CTTNBP2: variants seen among roughly 807,000 people sequenced by gnomAD.
CTTNBP2 encodes the protein cortactin-binding protein 2.
CTTNBP2 carries 108 observed loss-of-function variants against 156.9 expected under a neutral mutation model. The observed-to-expected ratio is 0.69, with a 90% CI of 0.59 to 0.81. The LOEUF is 0.81. CTTNBP2 is among the 30% of genes least tolerant of loss of function. The probability of loss-of-function intolerance (pLI) is 0.00; values close to 1 mark genes in which losing one functional copy is unlikely to be tolerated. For synonymous variants in CTTNBP2, 767 were observed against 751.8 expected (o/e 1.02, Z -0.33); for missense variants, 1,924 against 2,035.4 (o/e 0.95, Z 1.05).
At chr7:117,848,710 G>GT (rs550507328) in intron 2 of CTTNBP2, among the ~76,000 whole-genome samples, 1 of 152,152 alleles carries the variant, frequency 6.6e-6, no homozygotes, top group African/African-American at 2.4e-5. Flanking sequence ...TCAGCTTCTG[G>GT]TTTATGTACT....
intron 14 of CTTNBP2, among the ~76,000 whole-genome samples, chr7:117,740,465 C>T (rs1361914339): frequency 1.3e-5 from 2 of 152,154 alleles, no homozygotes; most frequent in Non-Finnish European, 2.9e-5. Flanking sequence ...CCCATTCAAC[C>T]CACATAGTTT....
intron 2 of CTTNBP2, among the ~76,000 whole-genome samples, chr7:117,818,047 T>C (rs1800725355): frequency 6.6e-6 from 1 of 152,168 alleles, no homozygotes; most frequent in Non-Finnish European, 1.5e-5. Flanking sequence ...ACTTTTTAAA[T>C]CAGAACAAAG....
intron 8 of CTTNBP2, among the ~76,000 whole-genome samples, chr7:117,773,648 A>AAC (rs71528190): frequency 0.14 from 12,826 of 94,918 alleles, 976 homozygotes; most frequent in Non-Finnish European, 0.17. Flanking sequence ...GCTTAGAGTT[A>AAC]ACACACACAC....
chr7:117,728,015 C>A, intron 17 of CTTNBP2, 74 bp downstream of exon 17: 1 of 1,341,594 alleles, frequency 7.5e-7, no homozygotes, highest in Non-Finnish European at 1.0e-6. Context: ...GCCTGGTCAG[C>A]ATTCTCACCC....
chr7:117,765,847 G>A (rs1797457683), intron 9 of CTTNBP2, among the ~76,000 whole-genome samples: 1 of 152,062 alleles, frequency 6.6e-6, no homozygotes, highest in Non-Finnish European at 1.5e-5. Context: ...CAATCTCATT[G>A]GCTTATCTTT....
At position 117,711,458 on chromosome 7, in the gene CTTNBP2, T is replaced by G. The variant is rs961668057; in HGVS notation, c.*79A>C. ...ATTACAGTGAAAACATTTTATCAAT[T>G]TAAAGGTATTTGTATCTTGTTGTCC... On this transcript the variant is annotated 3_prime_UTR_variant, in exon 23 of 23. Transcript: ENST00000160373. 16 of 1,426,934 alleles carry G rather than the reference T, an allele frequency of 1.1e-5. No individual in the cohort carries two copies. In the South Asian group the frequency reaches 2.2e-4, roughly 20 times the overall value. 88.4% of individuals were successfully genotyped at this position (1,426,934 alleles called of 1,614,324 possible).
In CTTNBP2 at chr7:117,791,298, G is replaced by A. The variant is rs978782396; in HGVS notation, c.1898C>T (p.Thr633Met). 1.7e-5 allele frequency: 28 copies of A among 1,614,074 alleles called. No individual in the cohort carries two copies. The Admixed American group carries it at 2.0e-4, about 12-fold the overall frequency. Residue 633 changes from threonine (T) to methionine (M), a missense_variant, in exon 4 of 23, where the codon ACG (threonine) becomes ATG (methionine). Coordinates refer to ENST00000160373, the MANE Select transcript of CTTNBP2 (RefSeq NM_033427.3). ...PAGCAVSALA[T>M]SQVGAWPAAT... ...AGCAGGCCAGGCACCCACCTGAGAC[G>A]TGGCCAGGGCTGAAACGGCACAGCC...
At chr7:117,788,517 G>A (rs1288578167) in intron 4 of CTTNBP2, among the ~76,000 whole-genome samples, 5 of 152,148 alleles carry the variant, frequency 3.3e-5, no homozygotes, top group South Asian at 4.1e-4. Context: ...CCCTTCAAAG[G>A]GCTCATGACC....
chr7:117,819,944 G>A (rs1800856076), intron 2 of CTTNBP2, among the ~76,000 whole-genome samples: 1 of 152,196 alleles, frequency 6.6e-6, no homozygotes, highest in South Asian at 2.1e-4. Context: ...CTCTCAAAGT[G>A]TAGACCATAT....
intron 11 of CTTNBP2, 50 bp from the exon 12 acceptor site, chr7:117,756,684 A>G: frequency 9.1e-7 from 1 of 1,097,050 alleles, no homozygotes; most frequent in South Asian, 1.2e-5. Context: ...TGTTAAATAT[A>G]AACGATCAAA....
Position 117,733,836 on chromosome 7 carries a change from C to A in CTTNBP2, c.3876+1077G>T, listed in dbSNP as rs1795535505. 2.0e-5 allele frequency among the ~76,000 whole-genome samples: 3 copies of A among 152,314 alleles called. No individual in the cohort carries two copies. In the South Asian group the frequency reaches 6.2e-4, roughly 32 times the overall value. On this transcript the variant is annotated intron_variant, in intron 16 of 22. Transcript: ENST00000160373. ...TACACATACTCTAACACAATAGACA[C>A]AGAAATTTGTTCAAGCACTTGGTGG...
intron 2 of CTTNBP2, among the ~76,000 whole-genome samples, chr7:117,855,876 CAG>C (rs1477863371): frequency 1.3e-5 from 2 of 152,164 alleles, no homozygotes; most frequent in African/African-American, 4.8e-5. Context: ...ATTTTCTAAA[CAG>C]ATACAATTTT....
chr7:117,730,546 A>G (rs571930987), intron 16 of CTTNBP2, among the ~76,000 whole-genome samples: 9 of 152,342 alleles, frequency 5.9e-5, no homozygotes, highest in African/African-American at 2.2e-4. Context: ...GTGGTGAAAT[A>G]GCATGGGTAA....
chr7:117,773,586 G>A (rs113814373), intron 8 of CTTNBP2, among the ~76,000 whole-genome samples: 1 of 146,408 alleles, frequency 6.8e-6, no homozygotes, highest in African/African-American at 2.5e-5. Flanking sequence ...TGAAAGACTG[G>A]ATAAGCTCTT....
chr7:117,734,847 G>T, intron 16 of CTTNBP2, 66 bp downstream of exon 16: 1 of 1,325,168 alleles, frequency 7.5e-7, no homozygotes, highest in Non-Finnish European at 1.0e-6. Context: ...TGGAACTCAA[G>T]CTGAGATCTC....
In CTTNBP2 at chr7:117,780,594, A is replaced by G; in HGVS notation, c.2373-3T>C. ...ATGAAATTAATAATTCTACACACCT[A>G]AACACAAGATTAGGATTAATTACAT... is the stretch of plus-strand genomic sequence containing the variant. On this transcript the variant is annotated splice_region_variant and splice_polypyrimidine_tract_variant and intron_variant, in intron 6 of 22. Transcript: ENST00000160373. 6.4e-7 allele frequency: 1 copy of G among 1,561,030 alleles called. No homozygotes were observed.
At position 117,842,526 on chromosome 7, in the gene CTTNBP2, A is replaced by C. The variant is rs755258935; in HGVS notation, c.189+18683T>G. Among the ~76,000 whole-genome samples the C allele has an allele frequency of 4.3e-4, 66 of 152,168 alleles. 1 individual carries two copies. Among genetic ancestry groups the C allele is most frequent in the Admixed American group, 8.5e-4 (13 of 15,276 alleles). ...CAAAATAGTCTTGCATTAAAAAAAA[A>C]GAAAAAAAGAACCATCACAGTAAAG... is the stretch of plus-strand genomic sequence containing the variant. On this transcript the variant is annotated intron_variant, in intron 2 of 22. Coordinates refer to ENST00000160373, the MANE Select transcript of CTTNBP2 (RefSeq NM_033427.3).
chr7:117,746,523 T>C (rs949158295), intron 12 of CTTNBP2, among the ~76,000 whole-genome samples: 1 of 152,232 alleles, frequency 6.6e-6, no homozygotes, highest in African/African-American at 2.4e-5. Context: ...GAAATTTTGG[T>C]ATATATAAAG....
At chr7:117,713,515 T>C (rs2116315178) in intron 22 of CTTNBP2, among the ~76,000 whole-genome samples, 1 of 152,334 alleles carries the variant, frequency 6.6e-6, no homozygotes, top group Admixed American at 6.5e-5. Context: ...CTTTAGCAGC[T>C]GCCTTTCTCT....
Sources: gnomAD v4.1 joint callset for allele counts (sites outside exome capture counted in the v4.1 genomes callset) on GRCh38, gnomAD v4.1.1 for gene constraint, MANE v1.5 for transcripts, NCBI Gene and HGNC (gene_info 2026-07-23, HGNC 2026-07-21) for gene names.